MAP2K1: variants seen among roughly 807,000 people sequenced by gnomAD.
MAP2K1 encodes mitogen-activated protein kinase kinase 1.
Under a neutral mutation model 46.3 loss-of-function variants are expected in MAP2K1, and 16 were observed. The ratio of observed to expected loss-of-function variants is 0.35; its 90% confidence interval spans 0.23 to 0.52. MAP2K1 has a LOEUF of 0.52. Among genes scored for constraint, MAP2K1 ranks in the 20% least tolerant of loss-of-function variants. The probability of loss-of-function intolerance (pLI) is 0.94; values close to 1 mark genes in which losing one functional copy is unlikely to be tolerated. For synonymous variants in MAP2K1, 183 were observed against 185.6 expected, an observed-to-expected ratio of 0.99 and a Z score of 0.11; for missense variants, 263 against 497.1, an observed-to-expected ratio of 0.53 and a Z score of 4.48.
At chr15:66,471,610 A>C (rs1892633242) in intron 5 of MAP2K1, among the ~76,000 whole-genome samples, 1 of 152,188 alleles carries the variant, frequency 6.6e-6, no homozygotes, top group Admixed American at 6.5e-5. Flanking sequence ...CTGGGTGTTA[A>C]GATTCTTGGT....
intron 1 of MAP2K1, among the ~76,000 whole-genome samples, chr15:66,404,268 C>T (rs2093390371): frequency 6.6e-6 from 1 of 152,140 alleles, no homozygotes; most frequent in South Asian, 2.1e-4. Context: ...AGGAGAATCA[C>T]TTGAACCAGG....
intron 5 of MAP2K1, chr15:66,445,071 A>G (rs1319936316): frequency 9.7e-6 from 2 of 206,636 alleles, no homozygotes; most frequent in African/African-American, 4.6e-5. Context: ...GAGTTTTACT[A>G]TAAAAGAAAC....
chr15:66,435,951 A>G (rs545985597), intron 2 of MAP2K1, among the ~76,000 whole-genome samples: 1 of 152,336 alleles, frequency 6.6e-6, no homozygotes, highest in Admixed American at 6.5e-5. Context: ...ATGTACTTGT[A>G]GAGCTGGACT....
At chr15:66,420,839 A>T (rs1204528594) in intron 1 of MAP2K1, among the ~76,000 whole-genome samples, 1 of 92,476 alleles carries the variant, frequency 1.1e-5, no homozygotes, top group Non-Finnish European at 2.4e-5. Flanking sequence ...GTGTATATAT[A>T]TGTGTGTATA....
chr15:66,407,484 C>T (rs966544179), intron 1 of MAP2K1, among the ~76,000 whole-genome samples: 1 of 152,182 alleles, frequency 6.6e-6, no homozygotes, highest in Non-Finnish European at 1.5e-5. Flanking sequence ...CACTGCATGA[C>T]CAACTCTGTG....
chr15:66,453,902 G>A (rs924782447), intron 5 of MAP2K1, among the ~76,000 whole-genome samples: 4 of 152,094 alleles, frequency 2.6e-5, no homozygotes, highest in East Asian at 3.9e-4. Flanking sequence ...AGGCTAAAGC[G>A]ATTCTCCTGC....
At chr15:66,419,103 A>C (rs1234768725) in intron 1 of MAP2K1, among the ~76,000 whole-genome samples, 1 of 150,722 alleles carries the variant, frequency 6.6e-6, no homozygotes, top group Non-Finnish European at 1.5e-5. Context: ...AGTAGCTGGG[A>C]TTACAGGCGT....
At chr15:66,418,140 CT>C (rs890803799) in intron 1 of MAP2K1, among the ~76,000 whole-genome samples, 4 of 152,142 alleles carry the variant, frequency 2.6e-5, no homozygotes, top group Admixed American at 6.5e-5. Context: ...TAAATACCCC[CT>C]AGAGGATTCC....
intron 3 of MAP2K1, among the ~76,000 whole-genome samples, chr15:66,440,958 T>C (rs1056180630): frequency 6.6e-5 from 10 of 152,172 alleles, no homozygotes; most frequent in Admixed American, 3.9e-4. Flanking sequence ...CCTTTTTGTT[T>C]TAAAATTAAC....
intron 1 of MAP2K1, among the ~76,000 whole-genome samples, chr15:66,412,445 T>C (rs1595846276): frequency 6.6e-6 from 1 of 152,232 alleles, no homozygotes; most frequent in Admixed American, 6.5e-5. Context: ...TTCAGTTTTC[T>C]GGACAGGACA....
chr15:66,441,334 A>G lies in MAP2K1; in HGVS notation c.439-1946A>G, dbSNP rs560059630. On this transcript the variant is annotated intron_variant, in intron 3 of 10. Transcript: ENST00000307102. Reference sequence around the variant, plus strand: ...AGGGGAAGTGTAAACCAAGACAGTTATCTGGGCTGCCCCCTGTCCTAGGCT... The same window carrying G: ...AGGGGAAGTGTAAACCAAGACAGTTGTCTGGGCTGCCCCCTGTCCTAGGCT... 2.0e-5 allele frequency among the ~76,000 whole-genome samples: 3 copies of G among 152,320 alleles called. No individual in the cohort carries two copies. In the South Asian group the frequency reaches 6.2e-4, roughly 32 times the overall value.
At chr15:66,428,366 T>C (rs774334175) in intron 1 of MAP2K1, among the ~76,000 whole-genome samples, 24 of 151,234 alleles carry the variant, frequency 1.6e-4, no homozygotes, top group Non-Finnish European at 2.9e-4. Flanking sequence ...AATTGGCTCA[T>C]GTGATTATGG....
At chr15:66,403,055 T>G (rs1595841158) in intron 1 of MAP2K1, among the ~76,000 whole-genome samples, 1 of 152,332 alleles carries the variant, frequency 6.6e-6, no homozygotes, top group East Asian at 1.9e-4. Flanking sequence ...TCTCTAGACC[T>G]GGGCCTTCAT....
intron 6 of MAP2K1, among the ~76,000 whole-genome samples, chr15:66,484,409 A>G (rs1270805866): frequency 1.3e-5 from 2 of 152,118 alleles, no homozygotes; most frequent in African/African-American, 4.8e-5. Context: ...CAGCCTCCCA[A>G]AGTGCTGGGA....
In MAP2K1 at chr15:66,420,875, A is replaced by G. The variant is rs369873137; in HGVS notation, c.81-14152A>G. 2.1e-4 allele frequency among the ~76,000 whole-genome samples: 25 copies of G among 118,394 alleles called. 1 individual carries two copies. Among genetic ancestry groups the G allele is most frequent in the South Asian group, 1.2e-3 (5 of 4,090 alleles). 77.7% of individuals were successfully genotyped at this position (118,394 alleles called of 152,430 possible). On this transcript the variant is annotated intron_variant, in intron 1 of 10. Coordinates refer to ENST00000307102, the MANE Select transcript of MAP2K1 (RefSeq NM_002755.4). ...TATATGTGTGTATATATATGTGTGT[A>G]TATATATGTGTATATATACACATAC... is the stretch of plus-strand genomic sequence containing the variant.
At chr15:66,489,865 C>G in intron 10 of MAP2K1, 102 bp downstream of exon 10, 1 of 983,404 alleles carries the variant, frequency 1.0e-6, no homozygotes, top group Non-Finnish European at 1.6e-6. Context: ...ATTCCCTGCC[C>G]ACTGTGGTCC....
Position 66,392,255 on chromosome 15 carries a change from G to GTTTTTTTTTTTT in MAP2K1, c.80+4841_80+4852dup, listed in dbSNP as rs58831070. ...ACGAATATTTGTGTGTTTTTTTTGG[G>GTTTTTTTTTTTT]TTTTTTTTTTTTTTTTTTTTTTTTA... On this transcript the variant is annotated intron_variant, in intron 1 of 10. Coordinates refer to ENST00000307102, the MANE Select transcript of MAP2K1 (RefSeq NM_002755.4). 2.1e-3 allele frequency among the ~76,000 whole-genome samples: 207 copies of GTTTTTTTTTTTT among 97,734 alleles called. 8 individuals are homozygous for GTTTTTTTTTTTT. Among genetic ancestry groups the GTTTTTTTTTTTT allele is most frequent in the African/African-American group, 8.3e-3 (182 of 22,028 alleles). The allele number at this position is 97,734 out of a possible 152,430, so 64.1% of individuals were successfully genotyped here.
At chr15:66,411,189 G>A (rs952274021) in intron 1 of MAP2K1, among the ~76,000 whole-genome samples, 3 of 152,128 alleles carry the variant, frequency 2.0e-5, no homozygotes, top group Admixed American at 2.0e-4. Flanking sequence ...TGCCTGGATT[G>A]TTGTAGGTAG....
At chr15:66,407,668 C>T (rs542480841) in intron 1 of MAP2K1, among the ~76,000 whole-genome samples, 2 of 152,070 alleles carry the variant, frequency 1.3e-5, no homozygotes, top group Admixed American at 1.3e-4. Flanking sequence ...GTAATCTTAC[C>T]TTGAATCCAG....
Sources: allele counts gnomAD v4.1 joint callset (sites outside exome capture counted in the v4.1 genomes callset), GRCh38; gene constraint gnomAD v4.1.1; transcripts MANE v1.5; gene names NCBI Gene and HGNC (gene_info 2026-07-23, HGNC 2026-07-21).